Variants in VRK1 observed in about 807,000 individuals in gnomAD.
VRK1 encodes VRK serine/threonine kinase 1, also known as serine/threonine-protein kinase VRK1.
VRK1 carries 33 observed loss-of-function variants against 57.1 expected under a neutral mutation model. The observed-to-expected ratio is 0.58, with a 90% CI of 0.44 to 0.77. The LOEUF (loss-of-function observed/expected upper bound fraction) is 0.77, where lower values mean the gene tolerates loss of function less well. Ranked by LOEUF, VRK1 falls within the 30% of genes least tolerant of loss-of-function variation. The pLI, the probability that VRK1 is intolerant of heterozygous loss-of-function variation, is 0.00. For missense variants in VRK1, 413 were observed against 477.3 expected (o/e 0.87, Z 1.25); for synonymous variants, 137 against 147.8 (o/e 0.93, Z 0.53).
chr14:96,799,409 C>T (rs1885568111), intron 1 of VRK1, among the ~76,000 whole-genome samples: 1 of 151,228 alleles, frequency 6.6e-6, no homozygotes, highest in Non-Finnish European at 1.5e-5. Context: ...AATGAAAAAA[C>T]AAGATTTTAA....
At chr14:96,798,707 T>C (rs1447660290) in intron 1 of VRK1, among the ~76,000 whole-genome samples, 1 of 152,192 alleles carries the variant, frequency 6.6e-6, no homozygotes, top group Non-Finnish European at 1.5e-5. Flanking sequence ...AGCATGATAC[T>C]TTGGGGGAGA....
chr14:96,853,180 T>G lies in VRK1; in HGVS notation c.576+14T>G. 6.2e-7 allele frequency: 1 copy of G among 1,604,544 alleles called. No homozygotes were observed. Among genetic ancestry groups the G allele is most frequent in the Admixed American group, 1.7e-5 (1 of 60,004 alleles). On this transcript the variant is annotated intron_variant, in intron 7 of 12. Coordinates refer to ENST00000216639, the MANE Select transcript of VRK1 (RefSeq NM_003384.3). ...AATCCTGACCAGGTAGTTTTATAAC[T>G]TTAATTTCTACTATTTAAAGCGTGT...
At chr14:96,857,870 A>G (rs1888229499) in intron 10 of VRK1, among the ~76,000 whole-genome samples, 1 of 152,114 alleles carries the variant, frequency 6.6e-6, no homozygotes, top group African/African-American at 2.4e-5. Flanking sequence ...CTCCTGGCCG[A>G]ATGAGTCACT....
At chr14:96,802,078 A>G (rs1254735493) in intron 1 of VRK1, among the ~76,000 whole-genome samples, 1 of 152,214 alleles carries the variant, frequency 6.6e-6, no homozygotes, top group Non-Finnish European at 1.5e-5. Flanking sequence ...AACATTTAAG[A>G]AGTTTAATCT....
intron 11 of VRK1, among the ~76,000 whole-genome samples, chr14:96,875,615 C>T (rs183491928): frequency 4.6e-5 from 7 of 152,176 alleles, no homozygotes; most frequent in Admixed American, 3.3e-4. Flanking sequence ...ATAGATTATC[C>T]TCTCCACCCC....
In VRK1 at chr14:96,839,198, T is replaced by C. The variant is rs766648109; in HGVS notation, c.216+1381T>C. On this transcript the variant is annotated intron_variant, in intron 3 of 12. Transcript: ENST00000216639. ...ACTTCTTATGCTCAGCATAACGTTT[T>C]AATGGTTCATCCATATTGTTGGTGT... 1.2e-4 allele frequency among the ~76,000 whole-genome samples: 18 copies of C among 152,132 alleles called. 1 individual carries two copies. Among genetic ancestry groups the C allele is most frequent in the Admixed American group, 5.2e-4 (8 of 15,262 alleles).
intron 11 of VRK1, among the ~76,000 whole-genome samples, chr14:96,872,585 A>T (rs1190550082): frequency 6.6e-6 from 1 of 152,236 alleles, no homozygotes; most frequent in Non-Finnish European, 1.5e-5. Flanking sequence ...CACATAGGAG[A>T]CCGCATAGTG....
At chr14:96,820,204 A>G (rs1283677381) in intron 1 of VRK1, among the ~76,000 whole-genome samples, 2 of 152,142 alleles carry the variant, frequency 1.3e-5, no homozygotes, top group Non-Finnish European at 2.9e-5. Context: ...GTAGAATAAG[A>G]CAAGATGACA....
At chr14:96,840,493 T>G (rs1887413266) in intron 3 of VRK1, among the ~76,000 whole-genome samples, 1 of 152,238 alleles carries the variant, frequency 6.6e-6, no homozygotes, top group Non-Finnish European at 1.5e-5. Flanking sequence ...TGGAATAGCA[T>G]TCTTTTTGGA....
At chr14:96,833,385 G>A (rs185063962) in intron 1 of VRK1, 82 bp from the exon 2 acceptor site, 53 of 1,539,032 alleles carry the variant, frequency 3.4e-5, no homozygotes, top group Admixed American at 7.0e-5. Context: ...CAGCATCTCC[G>A]TACGGAAGTT....
At chr14:96,828,594 G>A (rs149756063) in intron 1 of VRK1, among the ~76,000 whole-genome samples, 15 of 152,144 alleles carry the variant, frequency 9.9e-5, no homozygotes, top group Admixed American at 1.3e-4. Context: ...GCCCGATCTC[G>A]TCTAAATATC....
chr14:96,852,881 A>G lies in VRK1; in HGVS notation c.425A>G (p.Tyr142Cys). The G allele has an allele frequency of 6.2e-7, 1 of 1,613,936 alleles. No homozygotes were observed. The highest frequency in any genetic ancestry group is 1.1e-5 in the South Asian group (1 of 91,084). ...TTTGGGAGTGACCTTCAGAAAATAT[A>G]TGAAGCAAATGCCAAAAGGTTTTCT... ...DRFGSDLQKI[Y>C]EANAKRFSRK... is the part of the protein sequence containing the mutation. The change falls in exon 6 of 13, where the codon TAT becomes TGT. Residue 142 changes from tyrosine to cysteine, a missense_variant. Physicochemically the swap from Tyr to Cys is radical, Grantham distance 194 (BLOSUM62 -2). Around this residue, in one of 3 missense-constraint regions of VRK1, gnomAD observed 151 missense variants for 225.5 expected, o/e 0.67. Transcript: ENST00000216639.
intron 5 of VRK1, among the ~76,000 whole-genome samples, chr14:96,852,188 T>G (rs1380418173): frequency 6.6e-6 from 1 of 152,230 alleles, no homozygotes; most frequent in East Asian, 1.9e-4. Context: ...TTTACTTCTG[T>G]GGAAATTGAG....
chr14:96,863,807 C>G (rs1004427270), intron 11 of VRK1, among the ~76,000 whole-genome samples: 1 of 152,138 alleles, frequency 6.6e-6, no homozygotes, highest in Non-Finnish European at 1.5e-5. Context: ...TAAACCCTTG[C>G]TGGCATTTAG....
intron 1 of VRK1, among the ~76,000 whole-genome samples, chr14:96,804,801 G>A (rs1189299117): frequency 1.3e-5 from 2 of 152,330 alleles, no homozygotes; most frequent in African/African-American, 4.8e-5. Flanking sequence ...AGCTAAAAAA[G>A]TGGTGTTACT....
chr14:96,876,195 C>T (rs1360313867), intron 12 of VRK1, 75 bp downstream of exon 12: 1 of 1,382,094 alleles, frequency 7.2e-7, no homozygotes, highest in Non-Finnish European at 1.0e-6. Flanking sequence ...GATGAGGGGT[C>T]AACTATTTGG....
rs571384520 is a variant in VRK1, at chr14:96,855,794, C to T, written c.710-336C>T. The stretch of plus-strand genomic sequence containing the variant: ...TGTGGAAGAACTCAAATACCCAGTT[C>T]TCTGGGCCTCTTAATAGCATATAAA... On this transcript the variant is annotated intron_variant, in intron 8 of 12. Transcript: ENST00000216639. 1.5e-4 allele frequency among the ~76,000 whole-genome samples: 23 copies of T among 152,298 alleles called. No homozygotes were observed. In the South Asian group the frequency reaches 4.8e-3, roughly 32 times the overall value.
chr14:96,876,013 T>TA lies in VRK1; in HGVS notation c.1069-17_1069-16insA. The TA allele has an allele frequency of 6.2e-7, 1 of 1,610,600 alleles. No homozygotes were observed. The highest frequency in any genetic ancestry group is 8.5e-7 in the Non-Finnish European group (1 of 1,177,892). On this transcript the variant is annotated splice_polypyrimidine_tract_variant and intron_variant, in intron 11 of 12. Transcript: ENST00000216639. Reference sequence around the variant, plus strand: ...CTGTCAGATATCTCTCTCTCTCTCTTTAATTTTATATGTAAGAAGCGAAAG... The same window carrying TA: ...CTGTCAGATATCTCTCTCTCTCTCTTATAATTTTATATGTAAGAAGCGAAAG...
intron 10 of VRK1, among the ~76,000 whole-genome samples, chr14:96,856,835 A>G (rs1477868817): frequency 6.6e-6 from 1 of 152,048 alleles, no homozygotes; most frequent in Non-Finnish European, 1.5e-5. Context: ...AGGCGTGGTG[A>G]CGCACGCCTG....
Sources: gnomAD v4.1 joint callset for allele counts (sites outside exome capture counted in the v4.1 genomes callset) on GRCh38, gnomAD v4.1.1 for gene constraint, gnomAD v4.1.1 regional missense constraint, MANE v1.5 for transcripts, NCBI Gene and HGNC (gene_info 2026-07-23, HGNC 2026-07-21) for gene names.